The following QTMAN variants were observed in gnomAD, a reference collection of about 807,000 sequenced individuals.
QTMAN encodes the protein queuosine-tRNA mannosyltransferase.
At chr2:144,008,742 A>G in the QTMAN span, among the ~76,000 whole-genome samples, 1 of 152,094 alleles carries the variant, frequency 6.6e-6, no homozygotes, top group Non-Finnish European at 1.5e-5. Context: ...CATTATTGAA[A>G]TGAATCAAGA....
chr2:144,306,641 C>A, the QTMAN span, among the ~76,000 whole-genome samples: 1 of 152,024 alleles, frequency 6.6e-6, no homozygotes, highest in Admixed American at 6.6e-5. Context: ...GGAACACACA[C>A]AGTCCATAAG....
At chr2:144,274,358 T>C in the QTMAN span, among the ~76,000 whole-genome samples, 62 of 152,290 alleles carry the variant, frequency 4.1e-4, no homozygotes, top group Non-Finnish European at 7.6e-4. Flanking sequence ...GATAGGAGCA[T>C]CTATTGTTCT....
chr2:144,290,967 ATCAAGGTGTCGGCAGGGT>A, the QTMAN span, among the ~76,000 whole-genome samples: 1 of 152,198 alleles, frequency 6.6e-6, no homozygotes, highest in East Asian at 1.9e-4. Context: ...GAAGTCAAAG[ATCAAGGTGTCGGCAGGGT>A]TGATTCCTTA....
the QTMAN span, among the ~76,000 whole-genome samples, chr2:144,023,756 A>C: frequency 1.3e-5 from 2 of 152,228 alleles, no homozygotes; most frequent in African/African-American, 4.8e-5. Flanking sequence ...TAAATACTAA[A>C]ACAGATATAA....
At chr2:144,187,931 A>G in the QTMAN span, among the ~76,000 whole-genome samples, 1 of 152,226 alleles carries the variant, frequency 6.6e-6, no homozygotes, top group African/African-American at 2.4e-5. Flanking sequence ...AAAAGGACAC[A>G]CACACACAGA....
the QTMAN span, among the ~76,000 whole-genome samples, chr2:144,332,887 C>T: frequency 6.6e-6 from 1 of 152,346 alleles, no homozygotes; most frequent in African/African-American, 2.4e-5. Flanking sequence ...CCTTCTCTTT[C>T]CTTCTGGAAG....
chr2:144,293,582 A>G, the QTMAN span, among the ~76,000 whole-genome samples: 1 of 152,248 alleles, frequency 6.6e-6, no homozygotes, highest in African/African-American at 2.4e-5. Context: ...GTGTCCACAC[A>G]GCATGCATTT....
the QTMAN span, among the ~76,000 whole-genome samples, chr2:144,152,718 A>G: frequency 6.6e-6 from 1 of 152,236 alleles, no homozygotes; most frequent in African/African-American, 2.4e-5. Flanking sequence ...CATTCTATCA[A>G]TAAGTCAACA....
chr2:144,043,803 T>C, the QTMAN span, among the ~76,000 whole-genome samples: 1 of 152,184 alleles, frequency 6.6e-6, no homozygotes, highest in African/African-American at 2.4e-5. Flanking sequence ...GAACTTGCCT[T>C]GATTTTTGTA....
the QTMAN span, among the ~76,000 whole-genome samples, chr2:144,021,398 T>TA: frequency 1.3e-5 from 2 of 152,178 alleles, no homozygotes; most frequent in African/African-American, 4.8e-5. Context: ...TCAAGTCTCT[T>TA]ACGTACCCTT....
chr2:144,293,184 T>G, the QTMAN span, among the ~76,000 whole-genome samples: 1 of 152,236 alleles, frequency 6.6e-6, no homozygotes, highest in Admixed American at 6.5e-5. Flanking sequence ...ATGGATTTTT[T>G]GTCACACATC....
the QTMAN span, among the ~76,000 whole-genome samples, chr2:144,092,870 GGTGTGTGTGTGTGTGTGTGT>G: frequency 1.4e-5 from 2 of 140,644 alleles, no homozygotes; most frequent in Non-Finnish European, 3.1e-5. Flanking sequence ...AAACTTTTGG[GGTGTGTGTGTGTGTGTGTGT>G]GTGTGTGTGT....
chr2:144,153,505 C>T, the QTMAN span, among the ~76,000 whole-genome samples: 2 of 151,936 alleles, frequency 1.3e-5, no homozygotes, highest in African/African-American at 2.4e-5. Flanking sequence ...GTCAGGAGAT[C>T]GAGACCATCT....
At chr2:144,072,880 C>G in the QTMAN span, among the ~76,000 whole-genome samples, 1 of 152,134 alleles carries the variant, frequency 6.6e-6, no homozygotes, top group East Asian at 1.9e-4. Flanking sequence ...CTTTATTATT[C>G]CTGCAAAGAT....
the QTMAN span, among the ~76,000 whole-genome samples, chr2:144,089,895 T>C: frequency 6.6e-6 from 1 of 152,038 alleles, no homozygotes; most frequent in Non-Finnish European, 1.5e-5. Context: ...GAATATACTG[T>C]AGTCAGTTCA....
chr2:144,124,563 C>A, the QTMAN span, among the ~76,000 whole-genome samples: 1 of 152,072 alleles, frequency 6.6e-6, no homozygotes, highest in Admixed American at 6.6e-5. Context: ...TGGGAAAGAA[C>A]TGAAGAGCCA....
chr2:143,952,785 C>T, the QTMAN span: 425 of 1,601,244 alleles, frequency 2.7e-4, 3 homozygotes, highest in Non-Finnish European at 7.0e-5. Flanking sequence ...GGAAATATTT[C>T]GGGATAAACC....
chr2:144,038,557 A>G, the QTMAN span, among the ~76,000 whole-genome samples: 1 of 152,222 alleles, frequency 6.6e-6, no homozygotes, highest in Admixed American at 6.5e-5. Flanking sequence ...CGGTATACCC[A>G]ATATTGTATG....
the QTMAN span, among the ~76,000 whole-genome samples, chr2:144,048,135 T>C: frequency 7.2e-5 from 11 of 152,082 alleles, no homozygotes; most frequent in Non-Finnish European, 2.9e-5. Context: ...AAAGAAATAA[T>C]ACAGAGGACC....
Sources: allele counts gnomAD v4.1 joint callset (sites outside exome capture counted in the v4.1 genomes callset), GRCh38; gene constraint gnomAD v4.1.1; transcripts MANE v1.5; gene names NCBI Gene and HGNC (gene_info 2026-07-23, HGNC 2026-07-21).